ROCK2: variants seen among roughly 807,000 people sequenced by gnomAD.
ROCK2 encodes the protein rho-associated protein kinase 2.
ROCK2 carries 61 observed loss-of-function variants against 195.1 expected under a neutral mutation model. The observed-to-expected ratio is 0.31, with a 90% CI of 0.25 to 0.39. ROCK2 has a LOEUF of 0.39. Ranked by LOEUF, ROCK2 falls within the 10% of genes least tolerant of loss-of-function variation. The pLI, the probability that ROCK2 is intolerant of heterozygous loss-of-function variation, is 1.00. For missense variants in ROCK2, 1,109 were observed against 1,637.4 expected (o/e 0.68, Z 5.57); for synonymous variants, 504 against 545.5 (o/e 0.92, Z 1.06).
chr2:11,321,330 C>T (rs548135429), intron 1 of ROCK2, among the ~76,000 whole-genome samples: 5 of 152,000 alleles, frequency 3.3e-5, no homozygotes, highest in South Asian at 2.1e-4. Flanking sequence ...TGCACGCCAC[C>T]GCACCGGGCT....
In ROCK2 at chr2:11,193,795, A is replaced by G; in HGVS notation, c.3671T>C (p.Ile1224Thr). 6.3e-7 allele frequency: 1 copy of G among 1,589,520 alleles called. No individual in the cohort carries two copies. The highest frequency in any genetic ancestry group is 2.3e-5 in the East Asian group (1 of 43,742). The change falls in exon 30 of 33, where the codon ATT becomes ACT. Residue 1224 changes from isoleucine to threonine, a missense_variant. By Grantham distance (89) the Ile-to-Thr change is moderately conservative (BLOSUM62 -1). This residue lies in a region of ROCK2 where 221 missense variants were observed against 355.1 expected (regional missense o/e 0.62). Transcript: ENST00000315872. Reference protein sequence around the residue: ...TDVYRADAKEIPRIFQILYAN... With the variant: ...TDVYRADAKETPRIFQILYAN... Reference sequence around the variant, plus strand: ...TATGTTTACCTGGAATATCCTTGGAATTTCTTTAGCATCTGCTCTATACAC... The same window carrying G: ...TATGTTTACCTGGAATATCCTTGGAGTTTCTTTAGCATCTGCTCTATACAC...
intron 1 of ROCK2, among the ~76,000 whole-genome samples, chr2:11,341,085 A>C (rs966579177): frequency 2.0e-5 from 3 of 152,084 alleles, no homozygotes; most frequent in Non-Finnish European, 4.4e-5. Context: ...CGCCTCCAAA[A>C]AAAAAAAGAG....
chr2:11,211,815 A>G lies in ROCK2; in HGVS notation c.2069T>C (p.Met690Thr), dbSNP rs927365196. 1.1e-5 allele frequency: 18 copies of G among 1,602,072 alleles called. No individual in the cohort carries two copies. Among genetic ancestry groups the G allele is most frequent in the Non-Finnish European group, 3.4e-6 (4 of 1,176,242 alleles). ...CTGTATAACTTTTAGTTGGTATGTC[A>G]TATCTATTTCCATGTTGCTTTTTTC... ...EKEKSNMEID[M>T]TYQLKVIQQS... The change falls in exon 18 of 33, where the codon ATG (methionine) becomes ACG (threonine). Residue 690 changes from methionine to threonine, a missense_variant. Around this residue, in one of 6 missense-constraint regions of ROCK2, gnomAD observed 542 missense variants for 672.0 expected, o/e 0.81. Transcript: ENST00000315872.
intron 3 of ROCK2, among the ~76,000 whole-genome samples, chr2:11,283,574 A>G (rs974696961): frequency 4.5e-5 from 2 of 44,386 alleles, no homozygotes; most frequent in East Asian, 1.3e-3. Context: ...TCTCAAAAAA[A>G]AAAAAAAAAA....
chr2:11,233,143 G>A (rs1665079031), intron 5 of ROCK2, among the ~76,000 whole-genome samples: 2 of 152,148 alleles, frequency 1.3e-5, no homozygotes. Context: ...GAGCCCAGGG[G>A]TTTCGGGCTA....
In ROCK2 at chr2:11,319,113, T is replaced by C. The variant is rs191298758; in HGVS notation, c.141+24883A>G. ...CTCTTTTTTGGTTCCATATGAACTT[T>C]AAAGTAGTTTTTTCCAATTCTGTGA... is the stretch of plus-strand genomic sequence containing the variant. On this transcript the variant is annotated intron_variant, in intron 1 of 32. Transcript: ENST00000315872. Among the ~76,000 whole-genome samples the C allele has an allele frequency of 8.5e-3, 1,292 of 152,328 alleles. 17 individuals carry two copies. The highest frequency in any genetic ancestry group is 0.027 in the African/African-American group (1,139 of 41,572).
chr2:11,221,899 T>C (rs1045872901), intron 8 of ROCK2, among the ~76,000 whole-genome samples, 184 bp downstream of exon 8: 4 of 152,190 alleles, frequency 2.6e-5, no homozygotes, highest in African/African-American at 4.8e-5. Context: ...TTGCTAATAG[T>C]TTGCAAAGAT....
At chr2:11,281,297 A>C (rs1284336573) in intron 3 of ROCK2, among the ~76,000 whole-genome samples, 5 of 151,972 alleles carry the variant, frequency 3.3e-5, no homozygotes, top group Non-Finnish European at 7.4e-5. Context: ...AGCTCACTTC[A>C]TGTTTACTGG....
chr2:11,224,257 C>A, intron 7 of ROCK2, 65 bp downstream of exon 7: 4 of 1,407,352 alleles, frequency 2.8e-6, no homozygotes, highest in African/African-American at 1.4e-5. Context: ...ATAAGCTAGG[C>A]ATGCTTTTAT....
chr2:11,206,200 C>T (rs752827780), intron 20 of ROCK2, among the ~76,000 whole-genome samples: 3 of 151,980 alleles, frequency 2.0e-5, no homozygotes, highest in Non-Finnish European at 4.4e-5. Context: ...CCTCTATAAC[C>T]CTATTAGGTG....
chr2:11,219,960 T>C (rs961936484), intron 9 of ROCK2, among the ~76,000 whole-genome samples: 4 of 151,356 alleles, frequency 2.6e-5, no homozygotes, highest in African/African-American at 9.7e-5. Flanking sequence ...GATCCTTTCA[T>C]CTCAGCCTCT....
At position 11,295,675 on chromosome 2, in the gene ROCK2, G is replaced by C. The variant is rs567004003; in HGVS notation, c.142-7939C>G. Among the ~76,000 whole-genome samples, 6 of 152,244 alleles carry C rather than the reference G, an allele frequency of 3.9e-5. No homozygotes were observed. In the South Asian group the frequency reaches 1.2e-3, roughly 32 times the overall value. On this transcript the variant is annotated intron_variant, in intron 1 of 32. Coordinates refer to ENST00000315872, the MANE Select transcript of ROCK2 (RefSeq NM_004850.5). ...GGAAGACCAGACTACCTTAAGAGAA[G>C]GCCTGGCATGATGGCTCACGCCTGT... is the stretch of plus-strand genomic sequence containing the variant.
At chr2:11,234,047 C>T (rs537461268) in intron 5 of ROCK2, 4 of 152,096 alleles carry the variant, frequency 2.6e-5, no homozygotes, top group African/African-American at 9.6e-5. Context: ...ATTAGCATGG[C>T]CGCTGCACAA....
chr2:11,235,221 C>T lies in ROCK2; in HGVS notation c.723+481G>A, dbSNP rs1168746501. Among the ~76,000 whole-genome samples the T allele has an allele frequency of 2.0e-5, 3 of 152,128 alleles. No individual in the cohort carries two copies. Among genetic ancestry groups the T allele is most frequent in the African/African-American group, 4.8e-5 (2 of 41,432 alleles). On this transcript the variant is annotated intron_variant, in intron 5 of 32. Coordinates refer to ENST00000315872, the MANE Select transcript of ROCK2 (RefSeq NM_004850.5). The surrounding 1 kb of genome is among the most constrained non-coding windows in gnomAD (Gnocchi z 4.2). ...ATGAATTGATCAACAGGTAAAGCAT[C>T]GGAACAGATGATGTTCCCAAATTTA...
At chr2:11,304,751 T>C (rs575587987) in intron 1 of ROCK2, among the ~76,000 whole-genome samples, 109 of 152,322 alleles carry the variant, frequency 7.2e-4, no homozygotes, top group Admixed American at 7.0e-3. Context: ...TCACTCACTG[T>C]GCTTCTGCCA....
In ROCK2 at chr2:11,214,988, T is replaced by C; in HGVS notation, c.1788A>G (p.Glu596=). Reference sequence around the variant, plus strand: ...TATCTTGTAGATCTCTATTGTTAGATTCCAGCTGCTGAATCTGTTTTGAAC... The same window carrying C: ...TATCTTGTAGATCTCTATTGTTAGACTCCAGCTGCTGAATCTGTTTTGAAC... ...AESSKQIQQL[E]SNNRDLQDKN... is the part of the protein sequence containing the mutation. The change falls in exon 16 of 33, where the codon GAA becomes GAG. Residue 596 remains glutamate (E), a synonymous_variant. Transcript: ENST00000315872. The C allele has an allele frequency of 1.9e-6, 3 of 1,613,836 alleles. No homozygotes were observed. Among genetic ancestry groups the C allele is most frequent in the Non-Finnish European group, 2.5e-6 (3 of 1,179,936 alleles).
chr2:11,344,336 A>AGTCCG lies in ROCK2; in HGVS notation c.-201_-200insCGGAC. 2.6e-6 allele frequency: 3 copies of AGTCCG among 1,149,194 alleles called. No homozygotes were observed. Among genetic ancestry groups the AGTCCG allele is most frequent in the South Asian group, 8.7e-5 (2 of 22,936 alleles). 71.2% of individuals were successfully genotyped at this position (1,149,194 alleles called of 1,614,324 possible). ...GGGCCCGCCCGGCCCAGCCCGGCCC[A>AGTCCG]GCCCGGCCCGGCCCTGCCGGGAGCG... On this transcript the variant is annotated 5_prime_UTR_variant, in exon 1 of 33. Transcript: ENST00000315872. The surrounding 1 kb of genome is among the most constrained non-coding windows in gnomAD (Gnocchi z 5.4).
chr2:11,252,939 TATAATAATAATAATAATAATA>T (rs199970738), intron 3 of ROCK2, among the ~76,000 whole-genome samples: 5 of 143,332 alleles, frequency 3.5e-5, no homozygotes, highest in Admixed American at 7.0e-5. Flanking sequence ...AACTTAAAAG[TATAATAATAATAATAATAATA>T]ATAATAATAA....
At chr2:11,214,182 G>C (rs10495582) in intron 17 of ROCK2, among the ~76,000 whole-genome samples, 175 bp downstream of exon 17, 62,183 of 151,840 alleles carry the variant, frequency 0.41, 13,862 homozygotes, top group Admixed American at 0.52. Context: ...TGCTTGTACA[G>C]TGTTATGGTA....
Sources: gnomAD v4.1 joint callset for allele counts (sites outside exome capture counted in the v4.1 genomes callset) on GRCh38, gnomAD v4.1.1 for gene constraint, gnomAD v4.1.1 regional missense constraint, Gnocchi (gnomAD v3.1) non-coding constraint, MANE v1.5 for transcripts, NCBI Gene and HGNC (gene_info 2026-07-23, HGNC 2026-07-21) for gene names.